Variants in COL8A2 observed in about 807,000 individuals in gnomAD.
The protein encoded by COL8A2 is collagen alpha-2(VIII) chain.
COL8A2 carries 16 observed loss-of-function variants against 24.0 expected under a neutral mutation model. The observed-to-expected ratio is 0.67, with a 90% CI of 0.45 to 1.01. The LOEUF (loss-of-function observed/expected upper bound fraction) is 1.01. COL8A2 is among the 50% of genes least tolerant of loss of function. The pLI is 0.00. For synonymous variants in COL8A2, 466 were observed against 424.5 expected (o/e 1.10, Z -1.20); for missense variants, 818 against 942.4 (o/e 0.87, Z 1.73).
chr1:36,113,520 G>A (rs1203774942), intron 2 of COL8A2, among the ~76,000 whole-genome samples: 4 of 152,340 alleles, frequency 2.6e-5, no homozygotes, highest in Admixed American at 6.5e-5. Context: ...GAGCAGCTCC[G>A]CGAGGTCTGG....
At position 36,096,563 on chromosome 1, in the gene COL8A2, T is replaced by C. The variant is rs1206448095; in HGVS notation, c.*1006A>G. The C allele has an allele frequency of 6.6e-6, 1 of 152,198 alleles. No homozygotes were observed. Among genetic ancestry groups the C allele is most frequent in the African/African-American group, 2.4e-5 (1 of 41,430 alleles). 9.4% of individuals were successfully genotyped at this position (152,198 alleles called of 1,614,324 possible). ...ATCCCCCAGCTCGCGTGCACCTTGT[T>C]CAGAGGGCCAAACGAGAGGTGCTCT... is the stretch of plus-strand genomic sequence containing the variant. On this transcript the variant is annotated 3_prime_UTR_variant, in exon 4 of 4. Coordinates refer to ENST00000397799, the MANE Select transcript of COL8A2 (RefSeq NM_005202.4).
chr1:36,109,472 A>G (rs1446651364), intron 2 of COL8A2, among the ~76,000 whole-genome samples: 2 of 152,172 alleles, frequency 1.3e-5, no homozygotes, highest in South Asian at 2.1e-4. Context: ...CAGCACAGCT[A>G]CTTACCAGCT....
rs778043170 is a variant in COL8A2 at position 36,097,691 on chromosome 1, C to T, written c.1990G>A (p.Val664Met). ...GYLDQASGGA[V>M]LQLRPNDQVW... ...TGGTCGTTGGGCCGCAGCTGGAGCA[C>T]GGCCCCACCAGATGCCTGGTCCAGG... The change falls in exon 4 of 4, where the codon GTG (valine) becomes ATG (methionine). Residue 664 changes from valine (V) to methionine (M), a missense_variant. Physicochemically the swap from Val to Met is conservative, Grantham distance 21. Coordinates refer to ENST00000397799, the MANE Select transcript of COL8A2 (RefSeq NM_005202.4). 1.6e-5 allele frequency: 26 copies of T among 1,613,618 alleles called. No homozygotes were observed. The highest frequency in any genetic ancestry group is 2.2e-5 in the South Asian group (2 of 91,084).
At chr1:36,120,232 T>G (rs1260469901) in intron 1 of COL8A2, among the ~76,000 whole-genome samples, 1 of 152,110 alleles carries the variant, frequency 6.6e-6, no homozygotes, top group Non-Finnish European at 1.5e-5. Flanking sequence ...GGCGGGCGGA[T>G]CACTTGAGGT....
At chr1:36,118,979 C>T (rs983251222) in intron 1 of COL8A2, among the ~76,000 whole-genome samples, 3 of 152,222 alleles carry the variant, frequency 2.0e-5, no homozygotes, top group African/African-American at 7.2e-5. Flanking sequence ...ATGAGACCTC[C>T]ACCTGGGCCT....
intron 2 of COL8A2, among the ~76,000 whole-genome samples, chr1:36,112,240 T>C (rs1368427412): frequency 1.3e-5 from 2 of 152,044 alleles, no homozygotes; most frequent in African/African-American, 4.8e-5. Context: ...CCTGACCTCA[T>C]GATCCGCCCG....
chr1:36,118,689 C>T (rs1416164489), intron 1 of COL8A2, among the ~76,000 whole-genome samples: 1 of 147,916 alleles, frequency 6.8e-6, no homozygotes, highest in African/African-American at 2.5e-5. Context: ...CGCCCCCCAC[C>T]CCCAACCAGC....
chr1:36,100,503 G>A (rs1054782213), intron 2 of COL8A2, among the ~76,000 whole-genome samples: 4 of 152,182 alleles, frequency 2.6e-5, no homozygotes, highest in East Asian at 1.9e-4. Context: ...ATCTCCGAGA[G>A]CCCAGCCTCC....
intron 3 of COL8A2, among the ~76,000 whole-genome samples, chr1:36,099,821 GC>G (rs1033545656): frequency 6.6e-6 from 1 of 152,168 alleles, no homozygotes; most frequent in African/African-American, 2.4e-5. Flanking sequence ...TGGGAGCAGA[GC>G]CCCACCTCCC....
In COL8A2 at chr1:36,099,096, CTCCCCCTGGGGCCCTGGT is replaced by C; in HGVS notation, c.567_584del (p.Gln193_Pro198del). On this transcript the variant is annotated inframe_deletion, in exon 4 of 4. Transcript: ENST00000397799. ...GGCCTCGATCACCTGGGGGCCCAGGCTCCCCCTGGGGCCCTGGTTCCCCCTGGAATCCTGGGGGCCCTG... is the reference window on the plus strand; with the variant it reads ...GGCCTCGATCACCTGGGGGCCCAGGCTCCCCCTGGAATCCTGGGGGCCCTG... 2 of 1,502,958 alleles carry C rather than the reference CTCCCCCTGGGGCCCTGGT, an allele frequency of 1.3e-6. No homozygotes were observed. The highest frequency in any genetic ancestry group is 1.8e-6 in the Non-Finnish European group (2 of 1,126,328). The allele number at this position is 1,502,958 out of a possible 1,614,324, so 93.1% of individuals were successfully genotyped here. A position where few individuals can be genotyped will look rare whatever the true frequency, so the allele number is the denominator to read the frequency against.
rs887383081 is a variant in COL8A2 at position 36,097,036 on chromosome 1, G to A, written c.*533C>T. 1.2e-5 allele frequency: 2 copies of A among 160,610 alleles called. No individual in the cohort carries two copies. The highest frequency in any genetic ancestry group is 1.8e-4 in the East Asian group (1 of 5,656). The allele number at this position is 160,610 out of a possible 1,614,324, so 9.9% of individuals were successfully genotyped here. A position where few individuals can be genotyped will look rare whatever the true frequency, so the allele number is the denominator to read the frequency against. On this transcript the variant is annotated 3_prime_UTR_variant, in exon 4 of 4. Coordinates refer to ENST00000397799, the MANE Select transcript of COL8A2 (RefSeq NM_005202.4). ...CATCACCATGGGGGCTGCAGTCCTGGCAGGGTGTCCACACTCGCCACCTCG... is the reference window on the plus strand; with the variant it reads ...CATCACCATGGGGGCTGCAGTCCTGACAGGGTGTCCACACTCGCCACCTCG...
rs1353449044 is a variant in COL8A2, at chr1:36,100,083, G to A, written c.160C>T (p.Pro54Ser). The A allele has an allele frequency of 3.7e-6, 6 of 1,611,964 alleles. No homozygotes were observed. In the East Asian group the frequency reaches 1.1e-4, roughly 30 times the overall value. The stretch of plus-strand genomic sequence containing the variant: ...TGGCCTTTGCCCTCACGGAAGGGCG[G>A]TCCCACAGGTCCTTTCTGCATGGGC... ...IQPMQKGPVG[P>S]PFREGKGQYL... The change falls in exon 3 of 4, where the codon CCG becomes TCG. Residue 54 changes from proline to serine, a missense_variant. Around this residue, in one of 3 missense-constraint regions of COL8A2, gnomAD observed 573 missense variants for 616.8 expected, o/e 0.93. Coordinates refer to ENST00000397799, the MANE Select transcript of COL8A2 (RefSeq NM_005202.4).
At chr1:36,111,530 A>G (rs938681930) in intron 2 of COL8A2, among the ~76,000 whole-genome samples, 4 of 145,586 alleles carry the variant, frequency 2.7e-5, no homozygotes, top group Admixed American at 7.1e-5. Flanking sequence ...ATCTGTCTCC[A>G]ACTACGATGT....
At chr1:36,119,216 G>A (rs984630048) in intron 1 of COL8A2, among the ~76,000 whole-genome samples, 7 of 152,192 alleles carry the variant, frequency 4.6e-5, no homozygotes, top group Non-Finnish European at 1.0e-4. Flanking sequence ...CATTTGTGAG[G>A]ATTAAACAAG....
At chr1:36,124,844 T>C (rs1045930389) in intron 1 of COL8A2, among the ~76,000 whole-genome samples, 2 of 151,896 alleles carry the variant, frequency 1.3e-5, no homozygotes, top group South Asian at 2.1e-4. Flanking sequence ...GGGGCTTTAC[T>C]GGGATCCTGC....
In COL8A2 at chr1:36,115,307, C is replaced by T. The variant is rs1026433811; in HGVS notation, c.-17+401G>A. ...GCCTTTTCCGGAGCGCCACCCGCCACCCGCTGCCTCCCCACGCCTGCCAAG... is the reference window on the plus strand; with the variant it reads ...GCCTTTTCCGGAGCGCCACCCGCCATCCGCTGCCTCCCCACGCCTGCCAAG... On this transcript the variant is annotated intron_variant, in intron 2 of 3. Coordinates refer to ENST00000397799, the MANE Select transcript of COL8A2 (RefSeq NM_005202.4). The surrounding 1 kb of genome is among the most constrained non-coding windows in gnomAD (Gnocchi z 5.7). Among the ~76,000 whole-genome samples the T allele has an allele frequency of 2.6e-5, 4 of 152,172 alleles. No individual in the cohort carries two copies. The highest frequency in any genetic ancestry group is 9.7e-5 in the African/African-American group (4 of 41,448).
Position 36,099,117 on chromosome 1 carries a change from C to T in COL8A2, c.564G>A (p.Gly188=). The part of the protein sequence containing the change: ...QGVPGPPGFQ[G]EPGPQGEPGP... ...CAGGCTCCCCCTGGGGCCCTGGTTC[C>T]CCCTGGAATCCTGGGGGCCCTGGCA... Residue 188 remains glycine, a synonymous_variant, in exon 4 of 4, where the codon GGG becomes GGA. Transcript: ENST00000397799. 2 of 1,508,140 alleles carry T rather than the reference C, an allele frequency of 1.3e-6. No individual in the cohort carries two copies. Among genetic ancestry groups the T allele is most frequent in the Non-Finnish European group, 1.8e-6 (2 of 1,130,134 alleles). 93.4% of individuals were successfully genotyped at this position (1,508,140 alleles called of 1,614,324 possible).
chr1:36,099,965 C>A, intron 3 of COL8A2, 85 bp downstream of exon 3: 1 of 1,317,488 alleles, frequency 7.6e-7, no homozygotes, highest in East Asian at 2.3e-5. Flanking sequence ...GTGGAGGGCG[C>A]CTGAGGATCT....
intron 2 of COL8A2, among the ~76,000 whole-genome samples, chr1:36,113,058 G>A (rs959061666): frequency 5.9e-5 from 9 of 152,208 alleles, no homozygotes; most frequent in African/African-American, 2.2e-4. Context: ...GGAGGGGGTA[G>A]AGAGATGGAT....
Sources: allele counts gnomAD v4.1 joint callset (sites outside exome capture counted in the v4.1 genomes callset), GRCh38; gene constraint gnomAD v4.1.1; regional missense constraint gnomAD v4.1.1; non-coding constraint Gnocchi (gnomAD v3.1); transcripts MANE v1.5; gene names NCBI Gene and HGNC (gene_info 2026-07-23, HGNC 2026-07-21).